Variants in GPNMB observed in about 807,000 individuals in gnomAD.
GPNMB encodes transmembrane glycoprotein NMB.
GPNMB carries 71 observed loss-of-function variants against 57.3 expected under a neutral mutation model. The ratio of observed to expected loss-of-function variants is 1.24; its 90% CI spans 1.02 to 1.51. The LOEUF is 1.51. Ranked by LOEUF, GPNMB falls within the 40% of genes most tolerant of loss-of-function variation. GPNMB has a pLI of 0.00. For missense variants in GPNMB, 677 were observed against 691.9 expected (o/e 0.98, Z 0.24); for synonymous variants, 253 against 263.2 (o/e 0.96, Z 0.38).
In GPNMB at chr7:23,270,359, A is replaced by C. The variant is rs571735549; in HGVS notation, c.1429+184A>C. On this transcript the variant is annotated intron_variant, in intron 9 of 10. Coordinates refer to ENST00000258733, the MANE Select transcript of GPNMB (RefSeq NM_002510.3). ...ATCCAACAGCAAATCTACTTAGGGA[A>C]GTGATGAGACATCTGGTGAAATAGT... Among the ~76,000 whole-genome samples, 30 of 152,336 alleles carry C rather than the reference A, an allele frequency of 2.0e-4. 1 individual carries two copies. The highest frequency in any genetic ancestry group is 4.8e-4 in the African/African-American group (20 of 41,582).
At chr7:23,273,884 C>A (rs1239854800) in intron 10 of GPNMB, 181 bp from the exon 11 acceptor site, 4 of 588,938 alleles carry the variant, frequency 6.8e-6, no homozygotes, top group Non-Finnish European at 8.9e-6. Context: ...AGTAAGCAGG[C>A]ACATTTCTTG....
Position 23,250,017 on chromosome 7 carries a change from T to C in GPNMB, c.70+3090T>C, listed in dbSNP as rs377076309. Among the ~76,000 whole-genome samples, 178 of 152,372 alleles carry C rather than the reference T, an allele frequency of 1.2e-3. 8 individuals carry two copies. In the South Asian group the frequency reaches 0.036, roughly 31 times the overall value. Reference sequence around the variant, plus strand: ...TAGGGATATAGTGATATTTCACTACTGGCTAATGATGTTGAATATCTTCTT... The same window carrying C: ...TAGGGATATAGTGATATTTCACTACCGGCTAATGATGTTGAATATCTTCTT... On this transcript the variant is annotated intron_variant, in intron 1 of 10. Transcript: ENST00000258733.
chr7:23,267,532 A>G (rs1307171557), intron 7 of GPNMB, among the ~76,000 whole-genome samples: 3 of 152,202 alleles, frequency 2.0e-5, no homozygotes, highest in Admixed American at 6.5e-5. Context: ...TCGTAGTTCT[A>G]AAGGCTGGGA....
At chr7:23,248,592 A>G (rs899912589) in intron 1 of GPNMB, among the ~76,000 whole-genome samples, 29 of 152,246 alleles carry the variant, frequency 1.9e-4, no homozygotes, top group African/African-American at 6.5e-4. Flanking sequence ...GAAAGTGTGG[A>G]CAAGGTAGGT....
At chr7:23,254,990 G>T (rs1001146733) in intron 3 of GPNMB, among the ~76,000 whole-genome samples, 3 of 152,164 alleles carry the variant, frequency 2.0e-5, no homozygotes, top group Admixed American at 6.5e-5. Context: ...GGCCAACATG[G>T]TGAAACCCCA....
intron 7 of GPNMB, among the ~76,000 whole-genome samples, chr7:23,267,523 C>T (rs541716092): frequency 1.1e-4 from 17 of 152,104 alleles, no homozygotes; most frequent in Non-Finnish European, 1.5e-5. Flanking sequence ...ATTTATTTCT[C>T]GTAGTTCTAA....
chr7:23,267,843 T>TC (rs1783105578), intron 7 of GPNMB, 43 bp from the exon 8 acceptor site: 2 of 1,245,372 alleles, frequency 1.6e-6, no homozygotes, highest in Non-Finnish European at 2.4e-6. Context: ...GTTTGATTTC[T>TC]GTTGTATTTT....
chr7:23,257,260 G>A (rs748825420), intron 4 of GPNMB, 195 bp downstream of exon 4: 208 of 621,012 alleles, frequency 3.3e-4, no homozygotes, highest in Non-Finnish European at 5.1e-4. Flanking sequence ...CCAGGACACC[G>A]AAGAGTTAAA....
intron 4 of GPNMB, among the ~76,000 whole-genome samples, chr7:23,259,328 C>T (rs1782855979): frequency 6.6e-6 from 1 of 152,140 alleles, no homozygotes; most frequent in Non-Finnish European, 1.5e-5. Context: ...GGATTACAGG[C>T]TCGTACCACC....
At chr7:23,270,265 T>A (rs969804486) in intron 9 of GPNMB, 90 bp downstream of exon 9, 36 of 792,950 alleles carry the variant, frequency 4.5e-5, no homozygotes, top group Non-Finnish European at 7.2e-5. Flanking sequence ...TTGTTTTCAA[T>A]GTTTAATTCT....
chr7:23,247,758 CCCTA>C (rs1782567115), intron 1 of GPNMB: 2 of 152,300 alleles, frequency 1.3e-5, no homozygotes. Context: ...CGCGGCCGCG[CCCTA>C]ACCCTCAGTC....
chr7:23,246,855 A>G lies in GPNMB; in HGVS notation c.-3A>G, dbSNP rs1782541542. Reference sequence around the variant, plus strand: ...TGAGTGCCTGCGTCCGTGAGAATTCAGCATGGAATGTCTCTACTATTTCCT... The same window carrying G: ...TGAGTGCCTGCGTCCGTGAGAATTCGGCATGGAATGTCTCTACTATTTCCT... On this transcript the variant is annotated 5_prime_UTR_variant, in exon 1 of 11. Transcript: ENST00000258733. The G allele has an allele frequency of 1.9e-5, 30 of 1,612,644 alleles. No individual in the cohort carries two copies. The highest frequency in any genetic ancestry group is 2.4e-5 in the Non-Finnish European group (28 of 1,178,642).
At chr7:23,250,630 C>G (rs983416228) in intron 1 of GPNMB, 19 of 152,118 alleles carry the variant, frequency 1.2e-4, no homozygotes, top group African/African-American at 4.3e-4. Flanking sequence ...CTCTTCTATT[C>G]CATTGACCTA....
chr7:23,266,876 C>T (rs974104597), intron 7 of GPNMB, among the ~76,000 whole-genome samples: 9 of 152,222 alleles, frequency 5.9e-5, no homozygotes, highest in Admixed American at 6.5e-5. Context: ...GGGCCTGTAT[C>T]CCGCCTCTGC....
chr7:23,259,742 A>T (rs1782867289), intron 4 of GPNMB, among the ~76,000 whole-genome samples: 1 of 152,208 alleles, frequency 6.6e-6, no homozygotes, highest in Admixed American at 6.5e-5. Context: ...TATGCCACTA[A>T]ACAGCTTTTT....
At chr7:23,266,238 T>C (rs535193557) in intron 6 of GPNMB, 326 of 389,732 alleles carry the variant, frequency 8.4e-4, no homozygotes, top group East Asian at 1.3e-3. Context: ...CATGAGCCAC[T>C]GCACCCGGCC....
intron 5 of GPNMB, 142 bp downstream of exon 5, chr7:23,260,280 G>C: frequency 1.9e-6 from 2 of 1,040,904 alleles, no homozygotes; most frequent in South Asian, 3.2e-5. Context: ...ATTAGTTGTA[G>C]TTCATCTGTT....
intron 7 of GPNMB, among the ~76,000 whole-genome samples, chr7:23,266,879 G>C (rs1296526436): frequency 6.6e-6 from 1 of 152,196 alleles, no homozygotes. Context: ...CCTGTATCCC[G>C]CCTCTGCAGC....
chr7:23,254,268 A>C lies in GPNMB; in HGVS notation c.323A>C (p.Glu108Ala). 1 of 1,611,316 alleles carries C rather than the reference A, an allele frequency of 6.2e-7. No homozygotes were observed. The highest frequency in any genetic ancestry group is 8.5e-7 in the Non-Finnish European group (1 of 1,177,434). Residue 108 changes from glutamate to alanine, a missense_variant, in exon 3 of 11, where the codon GAA (glutamate) becomes GCA (alanine). Transcript: ENST00000258733. Reference sequence around the variant, plus strand: ...CTGATATTCCCTAGATGCCAAAAGGAAGATGCCAATGGCAACATAGTCTAT... The same window carrying C: ...CTGATATTCCCTAGATGCCAAAAGGCAGATGCCAATGGCAACATAGTCTAT... ...VNLIFPRCQK[E>A]DANGNIVYEK...
Sources: gnomAD v4.1 joint callset for allele counts (sites outside exome capture counted in the v4.1 genomes callset) on GRCh38, gnomAD v4.1.1 for gene constraint, MANE v1.5 for transcripts, NCBI Gene and HGNC (gene_info 2026-07-23, HGNC 2026-07-21) for gene names.